KCNN4: variants seen among roughly 807,000 people sequenced by gnomAD.
The protein encoded by KCNN4 is potassium calcium-activated channel subfamily N member 4.
KCNN4 carries 31 observed loss-of-function variants against 45.2 expected under a neutral mutation model. The ratio of observed to expected loss-of-function variants is 0.69; its 90% confidence interval spans 0.52 to 0.92. KCNN4 has a LOEUF of 0.92. Among genes scored for constraint, KCNN4 ranks in the 40% least tolerant of loss-of-function variants. The probability of loss-of-function intolerance (pLI) is 0.00; values close to 1 mark genes in which losing one functional copy is unlikely to be tolerated. For missense variants in KCNN4, 463 were observed against 574.0 expected, an observed-to-expected ratio of 0.81 and a Z score of 1.98; for synonymous variants, 231 against 254.6, an observed-to-expected ratio of 0.91 and a Z score of 0.88.
At position 43,767,633 on chromosome 19, in the gene KCNN4, C is replaced by G. The variant is rs141571998; in HGVS notation, c.1194G>C (p.Thr398=). ...TCAGGGCATCCAGCTTCCCCGCCAG[C>G]GTGTCAATCTGTTTCTCCAGGGCCC... ...SHRALEKQID[T]LAGKLDALTE... is the part of the protein sequence containing the mutation. The change falls in exon 8 of 9, where the codon ACG becomes ACC. Residue 398 remains threonine, a synonymous_variant. Coordinates refer to ENST00000648319, the MANE Select transcript of KCNN4 (RefSeq NM_002250.3). 51 of 1,614,038 alleles carry G rather than the reference C, an allele frequency of 3.2e-5. No individual in the cohort carries two copies. Among genetic ancestry groups the G allele is most frequent in the Non-Finnish European group, 3.9e-5 (46 of 1,180,050 alleles).
chr19:43,774,104 G>A lies in KCNN4; in HGVS notation c.683+88C>T. The A allele has an allele frequency of 7.4e-7, 1 of 1,355,446 alleles. No homozygotes were observed. The highest frequency in any genetic ancestry group is 1.0e-6 in the Non-Finnish European group (1 of 991,682). The allele number at this position is 1,355,446 out of a possible 1,614,324, so 84.0% of individuals were successfully genotyped here. Reference sequence around the variant, plus strand: ...GAACTTTCTCCACTGCTTGGTCCTAGGGGGCCTCAACCTGCACCGCGGCAC... The same window carrying A: ...GAACTTTCTCCACTGCTTGGTCCTAAGGGGCCTCAACCTGCACCGCGGCAC... On this transcript the variant is annotated intron_variant, in intron 3 of 8. Transcript: ENST00000648319. The surrounding 1 kb of genome is among the most constrained non-coding windows in gnomAD (Gnocchi z 5.6).
At position 43,774,489 on chromosome 19, in the gene KCNN4, T is replaced by C; in HGVS notation, c.386A>G (p.Gln129Arg). 1 of 1,598,524 alleles carries C rather than the reference T, an allele frequency of 6.3e-7. No individual in the cohort carries two copies. The highest frequency in any genetic ancestry group is 8.5e-7 in the Non-Finnish European group (1 of 1,173,370). ...PAPVRGPPCV[Q>R]DLGAPLTSPQ... is the part of the protein sequence containing the mutation. ...GGAGGTCAGCGGCGCCCCTAAATCC[T>C]GCACGCACGGCGGGCCCCGCACGGG... Residue 129 changes from glutamine (Q) to arginine (R), a missense_variant, in exon 3 of 9, where the codon CAG (glutamine) becomes CGG (arginine). Physicochemically the swap from Gln to Arg is conservative, Grantham distance 43. This residue lies in a region of KCNN4 where 225 missense variants were observed against 240.9 expected (regional missense o/e 0.93). Coordinates refer to ENST00000648319, the MANE Select transcript of KCNN4 (RefSeq NM_002250.3). This position sits in a 1 kb window ranked among gnomAD's most constrained non-coding sequence, Gnocchi z 5.6.
Position 43,772,432 on chromosome 19 carries a change from G to C in KCNN4, c.684-297C>G, listed in dbSNP as rs978368883. On this transcript the variant is annotated intron_variant, in intron 3 of 8. Transcript: ENST00000648319. The surrounding 1 kb of genome is among the most constrained non-coding windows in gnomAD (Gnocchi z 4.4). ...GTATGGTCTCAGCTAGGCTACCCGG[G>C]CTGCTGTAGCATTCAGAGCGTGTGG... 5.3e-5 allele frequency among the ~76,000 whole-genome samples: 8 copies of C among 152,286 alleles called. No homozygotes were observed. The South Asian group carries it at 1.0e-3, about 20-fold the overall frequency.
At chr19:43,767,368 T>C in intron 8 of KCNN4, 172 bp downstream of exon 8, 1 of 762,338 alleles carries the variant, frequency 1.3e-6, no homozygotes, top group Non-Finnish European at 2.1e-6. Flanking sequence ...ACCATCTTCC[T>C]TCACTGCCAG....
In KCNN4 at chr19:43,769,903, G is replaced by T; in HGVS notation, c.820-74C>A. The T allele has an allele frequency of 5.0e-6, 5 of 997,718 alleles. No homozygotes were observed. The highest frequency in any genetic ancestry group is 7.7e-6 in the Non-Finnish European group (5 of 649,636). The allele number at this position is 997,718 out of a possible 1,614,324, so 61.8% of individuals were successfully genotyped here. On this transcript the variant is annotated intron_variant, in intron 4 of 8. Coordinates refer to ENST00000648319, the MANE Select transcript of KCNN4 (RefSeq NM_002250.3). The surrounding 1 kb of genome is among the most constrained non-coding windows in gnomAD (Gnocchi z 4.4). Reference sequence around the variant, plus strand: ...TCCTTGAACCCGCCCAACAGCCACAGACGGTAGGCACGACCATCCCCAGTT... The same window carrying T: ...TCCTTGAACCCGCCCAACAGCCACATACGGTAGGCACGACCATCCCCAGTT...
intron 2 of KCNN4, among the ~76,000 whole-genome samples, chr19:43,775,637 A>G (rs57339845): frequency 0.083 from 12,552 of 152,100 alleles, 717 homozygotes; most frequent in African/African-American, 0.17. Flanking sequence ...AATAATCCCC[A>G]TTTTACATGC....
chr19:43,774,886 C>G lies in KCNN4; in HGVS notation c.256-267G>C, dbSNP rs112409317. Among the ~76,000 whole-genome samples the G allele has an allele frequency of 5.9e-5, 9 of 152,208 alleles. No individual in the cohort carries two copies. Among genetic ancestry groups the G allele is most frequent in the African/African-American group, 2.2e-4 (9 of 41,442 alleles). ...CACTGACTGAGCGCCGACTGTGTGC[C>G]TGACATTGTTCTATGTGCTAAGGAT... On this transcript the variant is annotated intron_variant, in intron 2 of 8. Transcript: ENST00000648319. This position sits in a 1 kb window ranked among gnomAD's most constrained non-coding sequence, Gnocchi z 5.6.
rs10415593 is a variant in KCNN4, at chr19:43,772,476, T to G, written c.684-341A>C. ...CGTGTGGTTGAGGGTGGAGAGTCGATAGGGGGCCAAAACCCAGTCAGACCC... is the reference window on the plus strand; with the variant it reads ...CGTGTGGTTGAGGGTGGAGAGTCGAGAGGGGGCCAAAACCCAGTCAGACCC... On this transcript the variant is annotated intron_variant, in intron 3 of 8. Transcript: ENST00000648319. The surrounding 1 kb of genome is among the most constrained non-coding windows in gnomAD (Gnocchi z 4.4). Among the ~76,000 whole-genome samples, 123,558 of 151,824 alleles carry G rather than the reference T, an allele frequency of 0.81. 50,419 individuals are homozygous for G. The highest frequency in any genetic ancestry group is 0.96 in the East Asian group (4,915 of 5,132).
At position 43,768,543 on chromosome 19, in the gene KCNN4, C is replaced by T. The variant is rs148189420; in HGVS notation, c.1119+420G>A. ...CAAGAGCAGCAGAGATTGAGTTTTA[C>T]GGAAACAATGTCACCTGTGTCCTTG... is the stretch of plus-strand genomic sequence containing the variant. On this transcript the variant is annotated intron_variant, in intron 7 of 8. Coordinates refer to ENST00000648319, the MANE Select transcript of KCNN4 (RefSeq NM_002250.3). Among the ~76,000 whole-genome samples the T allele has an allele frequency of 2.3e-4, 35 of 152,308 alleles. No homozygotes were observed. In the East Asian group the frequency reaches 2.3e-3, roughly 10 times the overall value.
At position 43,769,418 on chromosome 19, in the gene KCNN4, G is replaced by T; in HGVS notation, c.1049+24C>A. On this transcript the variant is annotated intron_variant, in intron 6 of 8. Transcript: ENST00000648319. The surrounding 1 kb of genome is among the most constrained non-coding windows in gnomAD (Gnocchi z 4.4). ...CTTGGACATGGGTGCACATGGACAC[G>T]TGTGCATACAAAGCGGCCCTCACGC... The T allele has an allele frequency of 6.4e-7, 1 of 1,551,626 alleles. No homozygotes were observed. The highest frequency in any genetic ancestry group is 8.9e-7 in the Non-Finnish European group (1 of 1,123,582).
intron 1 of KCNN4, among the ~76,000 whole-genome samples, chr19:43,779,032 T>A (rs1453246139): frequency 1.3e-5 from 2 of 152,184 alleles, no homozygotes; most frequent in African/African-American, 4.8e-5. Context: ...CATCTCTACA[T>A]AAAATAAAAA....
Position 43,780,021 on chromosome 19 carries a change from G to A in KCNN4, c.159+682C>T, listed in dbSNP as rs550955498. Among the ~76,000 whole-genome samples, 5 of 152,112 alleles carry A rather than the reference G, an allele frequency of 3.3e-5. No homozygotes were observed. In the East Asian group the frequency reaches 9.7e-4, roughly 29 times the overall value. On this transcript the variant is annotated intron_variant, in intron 1 of 8. Transcript: ENST00000648319. The stretch of plus-strand genomic sequence containing the variant: ...GTTTTTTCTGTCCTTTGCATCTAAG[G>A]CACTGGGTAAACATTAGAGGTTAGA...
intron 7 of KCNN4, among the ~76,000 whole-genome samples, 172 bp from the exon 8 acceptor site, chr19:43,767,879 C>T (rs547298754): frequency 6.6e-6 from 1 of 152,286 alleles, no homozygotes; most frequent in South Asian, 2.1e-4. Context: ...GCTACCTGCC[C>T]AGGTGTTTCC....
chr19:43,780,609 A>AGGAGTCCTGACCCCCC, intron 1 of KCNN4, 94 bp downstream of exon 1: 1 of 63,096 alleles, frequency 1.6e-5, no homozygotes, highest in Non-Finnish European at 3.1e-5. Flanking sequence ...CCTGACCCCC[A>AGGAGTCCTGACCCCCC]GCCCCCCCTC....
rs765978534 is a variant in KCNN4 at position 43,774,551 on chromosome 19, G to T, written c.324C>A (p.Ile108=). 21 of 1,570,512 alleles carry T rather than the reference G, an allele frequency of 1.3e-5. No homozygotes were observed. Among genetic ancestry groups the T allele is most frequent in the Non-Finnish European group, 1.5e-5 (17 of 1,165,714 alleles). Residue 108 remains isoleucine, a synonymous_variant, in exon 3 of 9, where the codon ATC becomes ATA. Transcript: ENST00000648319. The surrounding 1 kb of genome is among the most constrained non-coding windows in gnomAD (Gnocchi z 5.6). The stretch of plus-strand genomic sequence containing the variant: ...GCCCACACACCACCAGCTCCAGCAC[G>T]ATCTGCGCCGCCTGCCGCCCGGTCA... The part of the protein sequence containing the change: ...VALTGRQAAQ[I]VLELVVCGLH...
Position 43,774,629 on chromosome 19 carries a change from G to GGA in KCNN4, c.256-11_256-10insTC. On this transcript the variant is annotated splice_polypyrimidine_tract_variant and intron_variant, in intron 2 of 8. Transcript: ENST00000648319. The surrounding 1 kb of genome is among the most constrained non-coding windows in gnomAD (Gnocchi z 5.6). ...TGTCGGTCATGAACAGCTGCCGGTA[G>GGA]GGGGCCAAGAAGGGAGGGGTCAGGA... The GGA allele has an allele frequency of 2.0e-6, 3 of 1,486,826 alleles. No homozygotes were observed. The South Asian group carries it at 4.1e-5, about 20-fold the overall frequency. 92.1% of individuals were successfully genotyped at this position (1,486,826 alleles called of 1,614,324 possible).
chr19:43,769,074 C>T lies in KCNN4; in HGVS notation c.1050-42G>A. 1 of 1,590,696 alleles carries T rather than the reference C, an allele frequency of 6.3e-7. No individual in the cohort carries two copies. The highest frequency in any genetic ancestry group is 8.6e-7 in the Non-Finnish European group (1 of 1,158,644). Reference sequence around the variant, plus strand: ...GGAGTCAGTTTTACAAGCCTGGTCCCTGAATGTAGCTGTAGCTCAGGGGAG... The same window carrying T: ...GGAGTCAGTTTTACAAGCCTGGTCCTTGAATGTAGCTGTAGCTCAGGGGAG... On this transcript the variant is annotated intron_variant, in intron 6 of 8. Transcript: ENST00000648319. This position sits in a 1 kb window ranked among gnomAD's most constrained non-coding sequence, Gnocchi z 4.4.
Position 43,772,472 on chromosome 19 carries a change from T to G in KCNN4, c.684-337A>C. 6.6e-6 allele frequency among the ~76,000 whole-genome samples: 1 copy of G among 151,336 alleles called. No homozygotes were observed. The highest frequency in any genetic ancestry group is 1.5e-5 in the Non-Finnish European group (1 of 67,838). ...AGAGCGTGTGGTTGAGGGTGGAGAG[T>G]CGATAGGGGGCCAAAACCCAGTCAG... is the stretch of plus-strand genomic sequence containing the variant. On this transcript the variant is annotated intron_variant, in intron 3 of 8. Coordinates refer to ENST00000648319, the MANE Select transcript of KCNN4 (RefSeq NM_002250.3). The surrounding 1 kb of genome is among the most constrained non-coding windows in gnomAD (Gnocchi z 4.4).
intron 1 of KCNN4, among the ~76,000 whole-genome samples, chr19:43,777,350 A>C (rs1331046393): frequency 6.7e-6 from 1 of 148,400 alleles, no homozygotes; most frequent in Non-Finnish European, 1.5e-5. Context: ...GTGTCTAGAA[A>C]AAGACATCTA....
Sources: gnomAD v4.1 joint callset for allele counts (sites outside exome capture counted in the v4.1 genomes callset) on GRCh38, gnomAD v4.1.1 for gene constraint, gnomAD v4.1.1 regional missense constraint, Gnocchi (gnomAD v3.1) non-coding constraint, MANE v1.5 for transcripts, NCBI Gene and HGNC (gene_info 2026-07-23, HGNC 2026-07-21) for gene names.